TAS2R41: variants seen among roughly 807,000 people sequenced by gnomAD.
The protein encoded by TAS2R41 is taste 2 receptor member 41.
A neutral mutation model predicts 25.1 loss-of-function variants in TAS2R41; 33 were observed. The observed-to-expected ratio is 1.31, with a 90% CI of 1.00 to 1.76. TAS2R41 has a LOEUF of 1.76. Ranked by LOEUF, TAS2R41 falls within the 40% of genes most tolerant of loss-of-function variation. The pLI, the probability that TAS2R41 is intolerant of heterozygous loss-of-function variation, is 0.00. For missense variants in TAS2R41, 319 were observed against 359.4 expected (o/e 0.89, Z 0.91); for synonymous variants, 151 against 151.6 (o/e 1.00, Z 0.03).
Position 143,478,704 on chromosome 7 carries a change from G to C in TAS2R41, c.832G>C (p.Val278Leu), listed in dbSNP as rs1807085363. 1 of 1,613,950 alleles carries C rather than the reference G, an allele frequency of 6.2e-7. No individual in the cohort carries two copies. The highest frequency in any genetic ancestry group is 1.3e-5 in the African/African-American group (1 of 74,884). Reference sequence around the variant, plus strand: ...AATTGCAGTCTACCTGTGCATATCTGTCCATCCCTTCATCCTCATCTTCAG... The same window carrying C: ...AATTGCAGTCTACCTGTGCATATCTCTCCATCCCTTCATCCTCATCTTCAG... ...WQIAVYLCIS[V>L]HPFILIFSNL... Residue 278 changes from valine (V) to leucine (L), a missense_variant, in exon 1 of 1, where the codon GTC (valine) becomes CTC (leucine). By Grantham distance (32) the Val-to-Leu change is conservative. Transcript: ENST00000408916.
rs751812332 is a variant in TAS2R41 at position 143,478,271 on chromosome 7, C to T, written c.399C>T (p.Leu133=). 2 of 1,614,028 alleles carry T rather than the reference C, an allele frequency of 1.2e-6. No individual in the cohort carries two copies. Among genetic ancestry groups the T allele is most frequent in the South Asian group, 1.1e-5 (1 of 91,082 alleles). Reference sequence around the variant, plus strand: ...GGTTCCCAGGGTGGGTGCCCTGGCTCCTGTTGGGCTCTGTCCTGATCTCCT... The same window carrying T: ...GGTTCCCAGGGTGGGTGCCCTGGCTTCTGTTGGGCTCTGTCCTGATCTCCT... The part of the protein sequence containing the change: ...KWRFPGWVPW[L]LLGSVLISFI... The change falls in exon 1 of 1, where the codon CTC becomes CTT. Residue 133 remains leucine (L), a synonymous_variant. Transcript: ENST00000408916.
Position 143,478,722 on chromosome 7 carries a change from A to C in TAS2R41, c.850A>C (p.Ile284Leu), listed in dbSNP as rs1344905814. 1.9e-6 allele frequency: 3 copies of C among 1,613,874 alleles called. No homozygotes were observed. Among genetic ancestry groups the C allele is most frequent in the South Asian group, 2.2e-5 (2 of 91,046 alleles). Residue 284 changes from isoleucine to leucine, a missense_variant, in exon 1 of 1, where the codon ATC (isoleucine) becomes CTC (leucine). Coordinates refer to ENST00000408916, the MANE Select transcript of TAS2R41 (RefSeq NM_176883.2). ...CATATCTGTCCATCCCTTCATCCTCATCTTCAGCAACCTCAAGCTTCGAAG... is the reference window on the plus strand; with the variant it reads ...CATATCTGTCCATCCCTTCATCCTCCTCTTCAGCAACCTCAAGCTTCGAAG... ...LCISVHPFIL[I>L]FSNLKLRSVF...
In TAS2R41 at chr7:143,478,732, A is replaced by T. The variant is rs1308223532; in HGVS notation, c.860A>T (p.Asn287Ile). 6.2e-7 allele frequency: 1 copy of T among 1,614,028 alleles called. No homozygotes were observed. The highest frequency in any genetic ancestry group is 1.1e-5 in the South Asian group (1 of 91,052). ...SVHPFILIFS[N>I]LKLRSVFSQL... ...CATCCCTTCATCCTCATCTTCAGCA[A>T]CCTCAAGCTTCGAAGCGTGTTCTCG... The change falls in exon 1 of 1, where the codon AAC (asparagine) becomes ATC (isoleucine). Residue 287 changes from asparagine to isoleucine, a missense_variant. By Grantham distance (149) the Asn-to-Ile change is moderately radical. Coordinates refer to ENST00000408916, the MANE Select transcript of TAS2R41 (RefSeq NM_176883.2).
chr7:143,478,036 G>A lies in TAS2R41; in HGVS notation c.164G>A (p.Arg55His), dbSNP rs371558228. 3.4e-5 allele frequency: 55 copies of A among 1,613,962 alleles called. No homozygotes were observed. Among genetic ancestry groups the A allele is most frequent in the African/African-American group, 1.3e-4 (10 of 74,870 alleles). Reference protein sequence around the residue: ...DMILISLGASRFCLQLVGTVH... With the variant: ...DMILISLGASHFCLQLVGTVH... Reference sequence around the variant, plus strand: ...ATCCTCATTAGCTTGGGTGCCTCCCGCTTCTGCCTGCAGTTGGTTGGGACG... The same window carrying A: ...ATCCTCATTAGCTTGGGTGCCTCCCACTTCTGCCTGCAGTTGGTTGGGACG... Residue 55 changes from arginine (R) to histidine (H), a missense_variant, in exon 1 of 1, where the codon CGC (arginine) becomes CAC (histidine). Arg to His is a conservative substitution (Grantham distance 29). Transcript: ENST00000408916.
rs746160765 is a variant in TAS2R41 at position 143,478,756 on chromosome 7, C to T, written c.884C>T (p.Ser295Leu). The T allele has an allele frequency of 2.5e-5, 41 of 1,614,024 alleles. No individual in the cohort carries two copies. Among genetic ancestry groups the T allele is most frequent in the Non-Finnish European group, 2.9e-5 (34 of 1,179,934 alleles). ...AACCTCAAGCTTCGAAGCGTGTTCT[C>T]GCAGCTCCTGTTGTTGGCAAGGGGC... ...FSNLKLRSVF[S>L]QLLLLARGFW... The change falls in exon 1 of 1, where the codon TCG becomes TTG. Residue 295 changes from serine (S) to leucine (L), a missense_variant. By Grantham distance (145) the Ser-to-Leu change is moderately radical (BLOSUM62 -2). Transcript: ENST00000408916.
Position 143,478,140 on chromosome 7 carries a change from C to A in TAS2R41, c.268C>A (p.His90Asn). 1 of 1,614,142 alleles carries A rather than the reference C, an allele frequency of 6.2e-7. No homozygotes were observed. The highest frequency in any genetic ancestry group is 8.5e-7 in the Non-Finnish European group (1 of 1,180,030). Residue 90 changes from histidine (H) to asparagine (N), a missense_variant, in exon 1 of 1, where the codon CAC (histidine) becomes AAC (asparagine). Coordinates refer to ENST00000408916, the MANE Select transcript of TAS2R41 (RefSeq NM_176883.2). ...LGRQFFHLHWHFLNSATFWFC... is the reference protein window; with the variant it reads ...LGRQFFHLHWNFLNSATFWFC... ...CCGACAGTTCTTCCATCTACACTGG[C>A]ACTTCCTGAACTCAGCCACCTTCTG...
Position 143,477,971 on chromosome 7 carries a change from G to C in TAS2R41, c.99G>C (p.Arg33Ser), listed in dbSNP as rs912941534. The C allele has an allele frequency of 1.2e-6, 2 of 1,614,126 alleles. No individual in the cohort carries two copies. Among genetic ancestry groups the C allele is most frequent in the South Asian group, 2.2e-5 (2 of 91,080 alleles). Reference sequence around the variant, plus strand: ...GCTTCATTGTGCTGGTGCTGGGCAGGGAGTGGCTGCGATATGGCAGGTTGC... The same window carrying C: ...GCTTCATTGTGCTGGTGCTGGGCAGCGAGTGGCTGCGATATGGCAGGTTGC... ...ANGFIVLVLG[R>S]EWLRYGRLLP... Residue 33 changes from arginine to serine, a missense_variant, in exon 1 of 1, where the codon AGG (arginine) becomes AGC (serine). Transcript: ENST00000408916. This position sits in a 1 kb window ranked among gnomAD's most constrained non-coding sequence, Gnocchi z 4.0.
rs1563144694 is a variant in TAS2R41 at position 143,478,754 on chromosome 7, C to T, written c.882C>T (p.Phe294=). 6.2e-7 allele frequency: 1 copy of T among 1,613,980 alleles called. No individual in the cohort carries two copies. The highest frequency in any genetic ancestry group is 1.1e-5 in the South Asian group (1 of 91,080). The change falls in exon 1 of 1, where the codon TTC becomes TTT. Residue 294 remains phenylalanine, a synonymous_variant. Transcript: ENST00000408916. ...GCAACCTCAAGCTTCGAAGCGTGTT[C>T]TCGCAGCTCCTGTTGTTGGCAAGGG... ...IFSNLKLRSV[F]SQLLLLARGF... is the part of the protein sequence containing the mutation.
chr7:143,477,984 T>C lies in TAS2R41; in HGVS notation c.112T>C (p.Tyr38His), dbSNP rs1563144157. ...VLVLGREWLR[Y>H]GRLLPLDMIL... ...GGTGCTGGGCAGGGAGTGGCTGCGA[T>C]ATGGCAGGTTGCTGCCCTTGGATAT... Residue 38 changes from tyrosine (Y) to histidine (H), a missense_variant, in exon 1 of 1, where the codon TAT becomes CAT. Physicochemically the swap from Tyr to His is moderately conservative, Grantham distance 83. Coordinates refer to ENST00000408916, the MANE Select transcript of TAS2R41 (RefSeq NM_176883.2). This position sits in a 1 kb window ranked among gnomAD's most constrained non-coding sequence, Gnocchi z 4.0. 6.2e-7 allele frequency: 1 copy of C among 1,614,050 alleles called. No homozygotes were observed. The highest frequency in any genetic ancestry group is 2.2e-5 in the East Asian group (1 of 44,872).
In TAS2R41 at chr7:143,478,516, A is replaced by C; in HGVS notation, c.644A>C (p.Gln215Pro). Reference protein sequence around the residue: ...NSLRRHTQRMQHNGHSLQDPS... With the variant: ...NSLRRHTQRMPHNGHSLQDPS... ...CTGAGGAGGCATACTCAGAGAATGCAGCACAACGGGCACAGCCTGCAGGAC... is the reference window on the plus strand; with the variant it reads ...CTGAGGAGGCATACTCAGAGAATGCCGCACAACGGGCACAGCCTGCAGGAC... The change falls in exon 1 of 1, where the codon CAG becomes CCG. Residue 215 changes from glutamine (Q) to proline (P), a missense_variant. Transcript: ENST00000408916. The C allele has an allele frequency of 6.2e-7, 1 of 1,614,144 alleles. No individual in the cohort carries two copies. The highest frequency in any genetic ancestry group is 1.3e-5 in the African/African-American group (1 of 75,016).
At position 143,477,982 on chromosome 7, in the gene TAS2R41, G is replaced by C. The variant is rs368076964; in HGVS notation, c.110G>C (p.Arg37Pro). ...IVLVLGREWLRYGRLLPLDMI... is the reference protein window; with the variant it reads ...IVLVLGREWLPYGRLLPLDMI... Reference sequence around the variant, plus strand: ...CTGGTGCTGGGCAGGGAGTGGCTGCGATATGGCAGGTTGCTGCCCTTGGAT... The same window carrying C: ...CTGGTGCTGGGCAGGGAGTGGCTGCCATATGGCAGGTTGCTGCCCTTGGAT... The change falls in exon 1 of 1, where the codon CGA becomes CCA. Residue 37 changes from arginine (R) to proline (P), a missense_variant. By Grantham distance (103) the Arg-to-Pro change is moderately radical. Coordinates refer to ENST00000408916, the MANE Select transcript of TAS2R41 (RefSeq NM_176883.2). This position sits in a 1 kb window ranked among gnomAD's most constrained non-coding sequence, Gnocchi z 4.0. 5.0e-6 allele frequency: 8 copies of C among 1,614,000 alleles called. No individual in the cohort carries two copies. Among genetic ancestry groups the C allele is most frequent in the Non-Finnish European group, 6.8e-6 (8 of 1,180,030 alleles).
chr7:143,478,467 T>C lies in TAS2R41; in HGVS notation c.595T>C (p.Ser199Pro). 2 of 1,614,164 alleles carry C rather than the reference T, an allele frequency of 1.2e-6. No homozygotes were observed. Among genetic ancestry groups the C allele is most frequent in the South Asian group, 1.1e-5 (1 of 91,082 alleles). ...AATTCCTTTTTCTGTTTTTCTGGTC[T>C]CAATTATGCTGTTAATTAATTCTCT... ...WSIPFSVFLVSIMLLINSLRR... is the reference protein window; with the variant it reads ...WSIPFSVFLVPIMLLINSLRR... The change falls in exon 1 of 1, where the codon TCA becomes CCA. Residue 199 changes from serine to proline, a missense_variant. Physicochemically the swap from Ser to Pro is moderately conservative, Grantham distance 74. Transcript: ENST00000408916.
rs1322009562 is a variant in TAS2R41 at position 143,478,038 on chromosome 7, T to C, written c.166T>C (p.Phe56Leu). 6.2e-7 allele frequency: 1 copy of C among 1,614,036 alleles called. No individual in the cohort carries two copies. The highest frequency in any genetic ancestry group is 1.3e-5 in the African/African-American group (1 of 74,906). ...CCTCATTAGCTTGGGTGCCTCCCGC[T>C]TCTGCCTGCAGTTGGTTGGGACGGT... ...MILISLGASR[F>L]CLQLVGTVHN... The change falls in exon 1 of 1, where the codon TTC becomes CTC. Residue 56 changes from phenylalanine to leucine, a missense_variant. Phe to Leu is a conservative substitution (Grantham distance 22). Transcript: ENST00000408916.
rs1219634061 is a variant in TAS2R41 at position 143,478,740 on chromosome 7, C to T, written c.868C>T (p.Leu290Phe). ...PFILIFSNLKLRSVFSQLLLL... is the reference protein window; with the variant it reads ...PFILIFSNLKFRSVFSQLLLL... ...CATCCTCATCTTCAGCAACCTCAAG[C>T]TTCGAAGCGTGTTCTCGCAGCTCCT... Residue 290 changes from leucine to phenylalanine, a missense_variant, in exon 1 of 1, where the codon CTT (leucine) becomes TTT (phenylalanine). Leu to Phe is a conservative substitution (Grantham distance 22). Transcript: ENST00000408916. 1.2e-6 allele frequency: 2 copies of T among 1,614,014 alleles called. No homozygotes were observed. The highest frequency in any genetic ancestry group is 2.7e-5 in the African/African-American group (2 of 74,906).
At position 143,478,538 on chromosome 7, in the gene TAS2R41, G is replaced by A. The variant is rs777580131; in HGVS notation, c.666G>A (p.Gln222=). 3.1e-6 allele frequency: 5 copies of A among 1,614,096 alleles called. No homozygotes were observed. In the South Asian group the frequency reaches 3.3e-5, roughly 11 times the overall value. The part of the protein sequence containing the change: ...QRMQHNGHSL[Q]DPSTQAHTRA... ...TGCAGCACAACGGGCACAGCCTGCA[G>A]GACCCCAGCACCCAGGCTCACACCA... Residue 222 remains glutamine, a synonymous_variant, in exon 1 of 1, where the codon CAG becomes CAA. Coordinates refer to ENST00000408916, the MANE Select transcript of TAS2R41 (RefSeq NM_176883.2).
In TAS2R41 at chr7:143,478,550, C is replaced by G; in HGVS notation, c.678C>G (p.Thr226=). Residue 226 remains threonine (T), a synonymous_variant, in exon 1 of 1, where the codon ACC becomes ACG. Transcript: ENST00000408916. ...GGCACAGCCTGCAGGACCCCAGCACCCAGGCTCACACCAGAGCTCTGAAGT... is the reference window on the plus strand; with the variant it reads ...GGCACAGCCTGCAGGACCCCAGCACGCAGGCTCACACCAGAGCTCTGAAGT... ...HNGHSLQDPS[T]QAHTRALKSL... 2 of 1,614,066 alleles carry G rather than the reference C, an allele frequency of 1.2e-6. No individual in the cohort carries two copies. The highest frequency in any genetic ancestry group is 1.7e-6 in the Non-Finnish European group (2 of 1,180,004).
rs377415607 is a variant in TAS2R41, at chr7:143,478,546, G to C, written c.674G>C (p.Ser225Thr). The change falls in exon 1 of 1, where the codon AGC (serine) becomes ACC (threonine). Residue 225 changes from serine (S) to threonine (T), a missense_variant. Transcript: ENST00000408916. ...QHNGHSLQDP[S>T]TQAHTRALKS... ...AACGGGCACAGCCTGCAGGACCCCA[G>C]CACCCAGGCTCACACCAGAGCTCTG... 1.2e-6 allele frequency: 2 copies of C among 1,614,050 alleles called. No homozygotes were observed. Among genetic ancestry groups the C allele is most frequent in the South Asian group, 2.2e-5 (2 of 91,070 alleles).
Position 143,477,894 on chromosome 7 carries a change from T to G in TAS2R41, c.22T>G (p.Phe8Val). ...CAGAATGCAAGCAGCACTGACGGCC[T>G]TCTTCGTGTTGCTCTTTAGCCTGCT... MQAALTA[F>V]FVLLFSLLSL... The change falls in exon 1 of 1, where the codon TTC becomes GTC. Residue 8 changes from phenylalanine (F) to valine (V), a missense_variant. Transcript: ENST00000408916. The surrounding 1 kb of genome is among the most constrained non-coding windows in gnomAD (Gnocchi z 4.0). The G allele has an allele frequency of 3.1e-6, 5 of 1,614,100 alleles. No individual in the cohort carries two copies. The highest frequency in any genetic ancestry group is 4.2e-6 in the Non-Finnish European group (5 of 1,180,014).
chr7:143,478,346 AT>A lies in TAS2R41; in HGVS notation c.479del (p.Leu160Ter), dbSNP rs1198728965. The A allele has an allele frequency of 6.2e-7, 1 of 1,613,986 alleles. No individual in the cohort carries two copies. Among genetic ancestry groups the A allele is most frequent in the Non-Finnish European group, 8.5e-7 (1 of 1,179,988 alleles). On this transcript the variant is annotated frameshift_variant, in exon 1 of 1. Transcript: ENST00000408916. LOFTEE classifies it high-confidence loss of function. ...FWVNYPVYQE[F>X]LIRKFSGNMT... ...GGGTGAACTACCCTGTATATCAAGA[AT>A]TTTTAATTAGAAAATTTTCTGGGAA... is the stretch of plus-strand genomic sequence containing the variant.
Sources: gnomAD v4.1 joint callset for allele counts on GRCh38, gnomAD v4.1.1 for gene constraint, Gnocchi (gnomAD v3.1) non-coding constraint, MANE v1.5 for transcripts, NCBI Gene and HGNC (gene_info 2026-07-23, HGNC 2026-07-21) for gene names.